AKT3: variants seen among roughly 807,000 people sequenced by gnomAD.
The protein encoded by AKT3 is RAC-gamma serine/threonine-protein kinase.
AKT3 carries 15 observed loss-of-function variants against 65.3 expected under a neutral mutation model. That is an observed-to-expected ratio of 0.23 (90% CI 0.15 to 0.35). The LOEUF is 0.35. Ranked by LOEUF, AKT3 falls within the 10% of genes least tolerant of loss-of-function variation. The probability of loss-of-function intolerance (pLI) is 1.00; values close to 1 mark genes in which losing one functional copy is unlikely to be tolerated. For missense variants in AKT3, 243 were observed against 576.5 expected, an observed-to-expected ratio of 0.42 and a Z score of 5.92; for synonymous variants, 206 against 183.8, an observed-to-expected ratio of 1.12 and a Z score of -0.98.
chr1:243,510,914 G>A (rs891734977), intron 13 of AKT3, among the ~76,000 whole-genome samples: 8 of 152,288 alleles, frequency 5.3e-5, no homozygotes, highest in African/African-American at 1.7e-4. Context: ...ACTCACTGGT[G>A]TTACCCAGCA....
At chr1:243,699,942 C>A (rs1685339934) in intron 2 of AKT3, among the ~76,000 whole-genome samples, 3 of 152,076 alleles carry the variant, frequency 2.0e-5, no homozygotes. Flanking sequence ...CCTAGAGCCA[C>A]CAGAAGCAAG....
upstream of AKT3, among the ~76,000 whole-genome samples, chr1:243,850,709 C>T (rs1421679632): frequency 6.6e-6 from 1 of 151,920 alleles, no homozygotes; most frequent in Admixed American, 6.5e-5. Flanking sequence ...CCCGCCGCCT[C>T]TGCTCCCCTC....
At chr1:243,812,233 C>G (rs996009722) in intron 2 of AKT3, among the ~76,000 whole-genome samples, 118 of 152,158 alleles carry the variant, frequency 7.8e-4, no homozygotes, top group African/African-American at 1.6e-3. Context: ...GAGTGAACAG[C>G]CAACCTACAG....
At position 243,617,415 on chromosome 1, in the gene AKT3, TA is replaced by T. The variant is rs955815311; in HGVS notation, c.562-2255del. ...ATATACTGAACCAAGTCCATTCACT[TA>T]AAAAAAAAACTGCTGATGTGCACTC... On this transcript the variant is annotated intron_variant, in intron 6 of 13. Transcript: ENST00000673466. Among the ~76,000 whole-genome samples, 1,034 of 148,398 alleles carry T rather than the reference TA, an allele frequency of 7.0e-3. 13 individuals carry two copies. Among genetic ancestry groups the T allele is most frequent in the African/African-American group, 0.025 (1,000 of 40,596 alleles).
At chr1:243,489,220 G>A (rs1321952932) in intron 13 of AKT3, 23 of 1,547,078 alleles carry the variant, frequency 1.5e-5, no homozygotes, top group Non-Finnish European at 1.9e-5. Flanking sequence ...TCAACAGGCC[G>A]GCTTTCTCAC....
chr1:243,744,159 AAAC>A (rs1688331346), intron 2 of AKT3, among the ~76,000 whole-genome samples: 1 of 152,244 alleles, frequency 6.6e-6, no homozygotes, highest in Admixed American at 6.5e-5. Context: ...CTGTTAGTAC[AAAC>A]AACAACATCA....
intron 4 of AKT3, among the ~76,000 whole-genome samples, chr1:243,660,135 T>C (rs1028212429): frequency 4.6e-5 from 7 of 152,150 alleles, no homozygotes; most frequent in East Asian, 3.9e-4. Context: ...TGGTAAGCTA[T>C]TGATTATTGC....
chr1:243,628,781 G>T (rs977520408), intron 6 of AKT3, among the ~76,000 whole-genome samples: 1 of 152,234 alleles, frequency 6.6e-6, no homozygotes, highest in African/African-American at 2.4e-5. Context: ...TGTTTGGAAG[G>T]CTGTCACACT....
chr1:243,659,575 G>GA (rs1682116990), intron 4 of AKT3, among the ~76,000 whole-genome samples: 1 of 151,730 alleles, frequency 6.6e-6, no homozygotes. Context: ...GGTCAAAGGG[G>GA]AAAAAAAGAC....
intron 2 of AKT3, among the ~76,000 whole-genome samples, chr1:243,765,253 TAA>T (rs988527520): frequency 3.9e-5 from 6 of 152,102 alleles, no homozygotes; most frequent in African/African-American, 1.4e-4. Flanking sequence ...AAAGCCTTTA[TAA>T]GTTACCAGCA....
intron 1 of AKT3, chr1:243,843,545 C>G (rs1695376199): frequency 9.5e-7 from 1 of 1,052,250 alleles, no homozygotes; most frequent in African/African-American, 1.7e-5. Context: ...CACGCCTACC[C>G]AAATAATAGA....
At chr1:243,664,337 C>T (rs993646771) in intron 4 of AKT3, among the ~76,000 whole-genome samples, 1 of 151,426 alleles carries the variant, frequency 6.6e-6, no homozygotes, top group Non-Finnish European at 1.5e-5. Context: ...GCTGGGACTA[C>T]AGGCGCCCGC....
intron 8 of AKT3, among the ~76,000 whole-genome samples, chr1:243,581,110 C>A (rs770416535): frequency 6.6e-6 from 1 of 152,212 alleles, no homozygotes; most frequent in Non-Finnish European, 1.5e-5. Flanking sequence ...GGTTTCCCAG[C>A]TACACTACTA....
intron 2 of AKT3, among the ~76,000 whole-genome samples, chr1:243,813,116 A>G (rs1693282970): frequency 6.6e-6 from 1 of 152,062 alleles, no homozygotes; most frequent in Admixed American, 6.6e-5. Context: ...AACATGGCAC[A>G]TGTATACATA....
intron 8 of AKT3, among the ~76,000 whole-genome samples, chr1:243,595,577 T>C (rs1676549379): frequency 6.6e-6 from 1 of 152,222 alleles, no homozygotes; most frequent in Non-Finnish European, 1.5e-5. Flanking sequence ...AAAATATTGT[T>C]TCTTTACATC....
chr1:243,821,504 T>A (rs1186214120), intron 2 of AKT3, among the ~76,000 whole-genome samples: 1 of 152,126 alleles, frequency 6.6e-6, no homozygotes, highest in East Asian at 1.9e-4. Flanking sequence ...GCATAAACAA[T>A]CAAGACCCAT....
chr1:243,786,292 A>G (rs1410264367), intron 2 of AKT3, among the ~76,000 whole-genome samples: 1 of 152,246 alleles, frequency 6.6e-6, no homozygotes, highest in Non-Finnish European at 1.5e-5. Flanking sequence ...GATTATAGAT[A>G]TACACAAATC....
At chr1:243,816,082 A>C (rs1179346378) in intron 2 of AKT3, among the ~76,000 whole-genome samples, 1 of 152,158 alleles carries the variant, frequency 6.6e-6, no homozygotes, top group Non-Finnish European at 1.5e-5. Context: ...GGATGTAGTC[A>C]TCAGAAGACC....
chr1:243,683,356 A>G (rs1244388751), intron 3 of AKT3, among the ~76,000 whole-genome samples: 1 of 152,138 alleles, frequency 6.6e-6, no homozygotes, highest in Non-Finnish European at 1.5e-5. Context: ...AAAACTTCCT[A>G]AATATTCATT....
Sources: gnomAD v4.1 joint callset for allele counts (sites outside exome capture counted in the v4.1 genomes callset) on GRCh38, gnomAD v4.1.1 for gene constraint, MANE v1.5 for transcripts, NCBI Gene and HGNC (gene_info 2026-07-23, HGNC 2026-07-21) for gene names.